PLCH2: variants seen among roughly 807,000 people sequenced by gnomAD.
PLCH2 encodes 1-phosphatidylinositol 4,5-bisphosphate phosphodiesterase eta-2.
In PLCH2, 98 loss-of-function variants were observed where a neutral mutation model predicts 134.7. The observed-to-expected ratio is 0.73, with a 90% CI of 0.62 to 0.86. The LOEUF (loss-of-function observed/expected upper bound fraction) is 0.86, where lower values mean the gene tolerates loss of function less well. PLCH2 is among the 40% of genes least tolerant of loss of function. The probability of loss-of-function intolerance (pLI) is 0.00; values close to 1 mark genes in which losing one functional copy is unlikely to be tolerated. For missense variants in PLCH2, 1,994 were observed against 1,986.6 expected (o/e 1.00, Z -0.07); for synonymous variants, 974 against 827.5 (o/e 1.18, Z -3.04).
At chr1:2,481,020 ACACGCACACG>A (rs1451610052) in intron 4 of PLCH2, among the ~76,000 whole-genome samples, 1 of 152,212 alleles carries the variant, frequency 6.6e-6, no homozygotes, top group East Asian at 1.9e-4. Flanking sequence ...ACACGCACAC[ACACGCACACG>A]CATGCACGTG....
intron 2 of PLCH2, among the ~76,000 whole-genome samples, chr1:2,462,134 C>T (rs1218262300): frequency 3.1e-5 from 4 of 128,314 alleles, no homozygotes; most frequent in Non-Finnish European, 6.4e-5. Flanking sequence ...GCCTGATACC[C>T]CCTCCGCCTG....
upstream of PLCH2, among the ~76,000 whole-genome samples, chr1:2,424,798 T>A (rs570324702): frequency 6.6e-6 from 1 of 152,148 alleles, no homozygotes; most frequent in Non-Finnish European, 1.5e-5. Flanking sequence ...CCATCCTGGC[T>A]AACACAGTGA....
Position 2,448,613 on chromosome 1 carries a change from C to T in PLCH2, c.115+17984C>T, listed in dbSNP as rs1640051742. 6.6e-6 allele frequency among the ~76,000 whole-genome samples: 1 copy of T among 151,828 alleles called. No individual in the cohort carries two copies. Among genetic ancestry groups the T allele is most frequent in the Non-Finnish European group, 1.5e-5 (1 of 67,950 alleles). On this transcript the variant is annotated intron_variant, in intron 2 of 3. Transcript: ENST00000609981. The surrounding 1 kb of genome is among the most constrained non-coding windows in gnomAD (Gnocchi z 4.0). ...GTGTTTTCTGTCGGGGGTCGCCCTT[C>T]AGCCCCCTACTGTGGCCGTGTGCTC... is the stretch of plus-strand genomic sequence containing the variant.
At chr1:2,490,848 G>A (rs1642534549) in intron 10 of PLCH2, among the ~76,000 whole-genome samples, 1 of 152,372 alleles carries the variant, frequency 6.6e-6, no homozygotes, top group East Asian at 1.9e-4. Flanking sequence ...CCAGCTCAGA[G>A]GCTGCCCTGA....
chr1:2,480,400 T>A, intron 4 of PLCH2, 88 bp downstream of exon 4: 2 of 1,442,958 alleles, frequency 1.4e-6, no homozygotes, highest in Non-Finnish European at 1.9e-6. Flanking sequence ...CAGCCCTGAC[T>A]GAGCTGGAGG....
At chr1:2,474,462 G>A (rs1169374150), upstream of PLCH2, among the ~76,000 whole-genome samples, 2 of 152,212 alleles carry the variant, frequency 1.3e-5, no homozygotes, top group Non-Finnish European at 2.9e-5. Context: ...AGGAGGTCAG[G>A]GGGCCTGGGG....
chr1:2,446,563 C>T (rs934470174), intron 2 of PLCH2, among the ~76,000 whole-genome samples: 4 of 152,220 alleles, frequency 2.6e-5, no homozygotes, highest in South Asian at 2.1e-4. Context: ...GTGTAACAGG[C>T]GCACATTGGA....
At chr1:2,438,180 C>T (rs926075796) in intron 2 of PLCH2, among the ~76,000 whole-genome samples, 22 of 152,358 alleles carry the variant, frequency 1.4e-4, no homozygotes, top group Middle Eastern at 3.4e-3. Flanking sequence ...TGTTGGCAGC[C>T]GTGGAAATGA....
At chr1:2,419,060 G>A in the PLCH2 span, among the ~76,000 whole-genome samples, 2 of 152,094 alleles carry the variant, frequency 1.3e-5, no homozygotes, top group African/African-American at 2.4e-5. Flanking sequence ...CCTCTGGCTG[G>A]GGCATGTGAC....
At chr1:2,480,384 G>T in intron 4 of PLCH2, 72 bp downstream of exon 4, 2 of 1,528,896 alleles carry the variant, frequency 1.3e-6, no homozygotes, top group East Asian at 4.5e-5. Context: ...GTGGCTGGGA[G>T]CCTGCCAGCC....
At chr1:2,433,340 T>G (rs1162552651) in intron 2 of PLCH2, among the ~76,000 whole-genome samples, 1 of 152,216 alleles carries the variant, frequency 6.6e-6, no homozygotes, top group African/African-American at 2.4e-5. Flanking sequence ...CCCTGGCATC[T>G]CCATGTGGAT....
intron 12 of PLCH2, 105 bp downstream of exon 12, chr1:2,495,053 T>TCCCAGTGC: frequency 1.3e-6 from 1 of 784,970 alleles, no homozygotes; most frequent in Non-Finnish European, 2.0e-6. Context: ...TCCTCCCTGC[T>TCCCAGTGC]CCCAGTGCCC....
upstream of PLCH2, among the ~76,000 whole-genome samples, chr1:2,474,551 C>T (rs1641513426): frequency 6.6e-6 from 1 of 151,970 alleles, no homozygotes; most frequent in Non-Finnish European, 1.5e-5. Flanking sequence ...CCTGCCCAGG[C>T]AGATGGCGGC....
upstream of PLCH2, among the ~76,000 whole-genome samples, chr1:2,471,850 C>G (rs950419991): frequency 6.6e-6 from 1 of 152,200 alleles, no homozygotes; most frequent in Non-Finnish European, 1.5e-5. Flanking sequence ...GCCTGCTCCC[C>G]TGCCGAGCTG....
At position 2,479,824 on chromosome 1, in the gene PLCH2, GCTTCAGCAT is replaced by G; in HGVS notation, c.365_373del (p.Phe122_Ile124del). ...GACGGCAGCTTCGACCCCAACTGCT[GCTTCAGCAT>G]CTACCACGGCAGCCACCGCGAGTCG... On this transcript the variant is annotated inframe_deletion, in exon 3 of 22. Transcript: ENST00000378486. The G allele has an allele frequency of 1.2e-6, 2 of 1,606,228 alleles. No individual in the cohort carries two copies. Among genetic ancestry groups the G allele is most frequent in the Non-Finnish European group, 1.7e-6 (2 of 1,177,132 alleles).
intron 2 of PLCH2, among the ~76,000 whole-genome samples, chr1:2,449,581 G>A (rs957535428): frequency 2.2e-4 from 33 of 152,238 alleles, no homozygotes; most frequent in African/African-American, 8.0e-4. Flanking sequence ...GTGGTGTCAG[G>A]TGAGGTGGGG....
rs74744468 is a variant in PLCH2, at chr1:2,433,404, C to T, written c.115+2775C>T. ...GGGGGCTGCTGAGGCCCATCCGGGC[C>T]GGTGTGCTCCTGTCCCCTGGAGTAC... is the stretch of plus-strand genomic sequence containing the variant. On this transcript the variant is annotated intron_variant, in intron 2 of 3. Coordinates refer to the PLCH2 transcript ENST00000609981. 9.6e-3 allele frequency among the ~76,000 whole-genome samples: 1,461 copies of T among 152,302 alleles called. 27 individuals carry two copies. Among genetic ancestry groups the T allele is most frequent in the East Asian group, 0.066 (341 of 5,176 alleles).
intron 4 of PLCH2, 72 bp from the exon 5 acceptor site, chr1:2,484,376 G>C: frequency 6.8e-7 from 1 of 1,461,474 alleles, no homozygotes; most frequent in Non-Finnish European, 9.4e-7. Flanking sequence ...GGAGTGGGGT[G>C]GTCCTGAAGG....
At chr1:2,472,617 A>G (rs566143091), upstream of PLCH2, among the ~76,000 whole-genome samples, 23 of 152,294 alleles carry the variant, frequency 1.5e-4, no homozygotes, top group Middle Eastern at 3.4e-3. Context: ...ACAGCAGGTG[A>G]CGGTCAGGCC....
Sources: gnomAD v4.1 joint callset for allele counts (sites outside exome capture counted in the v4.1 genomes callset) on GRCh38, gnomAD v4.1.1 for gene constraint, Gnocchi (gnomAD v3.1) non-coding constraint, MANE v1.5 for transcripts, NCBI Gene and HGNC (gene_info 2026-07-23, HGNC 2026-07-21) for gene names.